DYNC1I1: variants seen among roughly 807,000 people sequenced by gnomAD.
DYNC1I1 encodes dynein cytoplasmic 1 intermediate chain 1.
A neutral mutation model predicts 86.6 loss-of-function variants in DYNC1I1; 43 were observed. The ratio of observed to expected loss-of-function variants is 0.50; its 90% CI spans 0.39 to 0.64. The LOEUF is 0.64. Ranked by LOEUF, DYNC1I1 falls within the 30% of genes least tolerant of loss-of-function variation. The probability of loss-of-function intolerance (pLI) is 0.00; values close to 1 mark genes in which losing one functional copy is unlikely to be tolerated. For missense variants in DYNC1I1, 604 were observed against 788.8 expected, an observed-to-expected ratio of 0.77 and a Z score of 2.81; for synonymous variants, 262 against 283.7, an observed-to-expected ratio of 0.92 and a Z score of 0.77.
In DYNC1I1 at chr7:96,098,421, A is replaced by G; in HGVS notation, c.*828A>G. 1 of 985,430 alleles carries G rather than the reference A, an allele frequency of 1.0e-6. No homozygotes were observed. Among genetic ancestry groups the G allele is most frequent in the African/African-American group, 1.7e-5 (1 of 57,370 alleles). The allele number at this position is 985,430 out of a possible 1,614,324, so 61.0% of individuals were successfully genotyped here. A position where few individuals can be genotyped will look rare whatever the true frequency, so the allele number is the denominator to read the frequency against. Reference sequence around the variant, plus strand: ...CAGTGTTGCCAATAAAATGTTTCAAACCAGGTCTGCACCAGTGTGAGTAAA... The same window carrying G: ...CAGTGTTGCCAATAAAATGTTTCAAGCCAGGTCTGCACCAGTGTGAGTAAA... On this transcript the variant is annotated 3_prime_UTR_variant, in exon 17 of 17. Transcript: ENST00000447467.
chr7:96,053,567 C>A (rs560501626), intron 14 of DYNC1I1, among the ~76,000 whole-genome samples: 1 of 151,890 alleles, frequency 6.6e-6, no homozygotes, highest in Non-Finnish European at 1.5e-5. Flanking sequence ...ACCTGCTCTC[C>A]AAAGTCCTGA....
intron 14 of DYNC1I1, among the ~76,000 whole-genome samples, chr7:96,060,289 C>G (rs1168502593): frequency 6.6e-6 from 1 of 152,168 alleles, no homozygotes; most frequent in Non-Finnish European, 1.5e-5. Flanking sequence ...CCCCAAGTCT[C>G]TCACGACTGT....
chr7:96,101,281 G>C (rs892708802), downstream of DYNC1I1, among the ~76,000 whole-genome samples: 2 of 152,186 alleles, frequency 1.3e-5, no homozygotes, highest in African/African-American at 4.8e-5. Flanking sequence ...CAAAAACATA[G>C]AGCAAGAATG....
chr7:96,103,758 A>G (rs1441157818), intron 16 of DYNC1I1, among the ~76,000 whole-genome samples: 1 of 152,126 alleles, frequency 6.6e-6, no homozygotes, highest in African/African-American at 2.4e-5. Flanking sequence ...GATTACAGGC[A>G]TATACCACCA....
In DYNC1I1 at chr7:96,097,399, G is replaced by A. The variant is rs976943244; in HGVS notation, c.1777-84G>A. ...AACATCTGCTTTGGAGGGTGTGGGG[G>A]CAAAGGGACAGTCATTCAGGCTTCA... On this transcript the variant is annotated intron_variant, in intron 16 of 16. Coordinates refer to ENST00000447467, the MANE Select transcript of DYNC1I1 (RefSeq NM_001135556.2). 5.4e-6 allele frequency: 8 copies of A among 1,470,312 alleles called. No individual in the cohort carries two copies. The African/African-American group carries it at 9.7e-5, about 18-fold the overall frequency. 91.1% of individuals were successfully genotyped at this position (1,470,312 alleles called of 1,614,324 possible).
intron 4 of DYNC1I1, among the ~76,000 whole-genome samples, chr7:95,817,724 A>G (rs1162932765): frequency 6.6e-6 from 1 of 152,186 alleles, no homozygotes; most frequent in African/African-American, 2.4e-5. Context: ...CCATGCCCCT[A>G]CAGACCACAT....
At chr7:96,016,052 C>CCTTA (rs902337808) in intron 10 of DYNC1I1, among the ~76,000 whole-genome samples, 2 of 152,114 alleles carry the variant, frequency 1.3e-5, no homozygotes, top group African/African-American at 4.8e-5. Context: ...CAAATCTTCA[C>CCTTA]TAAGACTGTT....
At chr7:95,860,766 A>G (rs951277864) in intron 5 of DYNC1I1, among the ~76,000 whole-genome samples, 60 of 152,216 alleles carry the variant, frequency 3.9e-4, no homozygotes, top group African/African-American at 1.4e-3. Flanking sequence ...GCACCCTCAC[A>G]TGGCAAAAGG....
intron 6 of DYNC1I1, among the ~76,000 whole-genome samples, chr7:95,908,728 T>C (rs1229186958): frequency 6.6e-6 from 1 of 152,020 alleles, no homozygotes; most frequent in Non-Finnish European, 1.5e-5. Context: ...TCCCCAGCGG[T>C]TGGTTTAGAA....
intron 12 of DYNC1I1, 42 bp downstream of exon 12, chr7:96,032,822 A>C (rs1355326736): frequency 5.3e-6 from 8 of 1,501,880 alleles, no homozygotes; most frequent in Non-Finnish European, 6.5e-6. Flanking sequence ...TCCTGGTTAA[A>C]AGAGATACCT....
intron 6 of DYNC1I1, among the ~76,000 whole-genome samples, chr7:95,974,214 G>GT (rs1370599281): frequency 6.6e-6 from 1 of 151,874 alleles, no homozygotes. Context: ...TATATATTTT[G>GT]TTTTTTTATT....
At chr7:96,006,960 G>A (rs575332312) in intron 10 of DYNC1I1, among the ~76,000 whole-genome samples, 2 of 152,062 alleles carry the variant, frequency 1.3e-5, no homozygotes, top group African/African-American at 4.8e-5. Flanking sequence ...TACACATTGT[G>A]TACATGTATC....
At chr7:96,106,381 A>C (rs1791213974) in intron 16 of DYNC1I1, among the ~76,000 whole-genome samples, 1 of 152,034 alleles carries the variant, frequency 6.6e-6, no homozygotes, top group African/African-American at 2.4e-5. Context: ...TAAAAATGCA[A>C]AAAATTAGCC....
At chr7:95,849,340 T>G (rs1036617278) in intron 5 of DYNC1I1, among the ~76,000 whole-genome samples, 1 of 152,144 alleles carries the variant, frequency 6.6e-6, no homozygotes. Flanking sequence ...TTTCTTATAG[T>G]AGTTTCATAT....
At chr7:95,967,316 C>T (rs752818165) in intron 6 of DYNC1I1, among the ~76,000 whole-genome samples, 28 of 152,114 alleles carry the variant, frequency 1.8e-4, no homozygotes, top group Non-Finnish European at 3.1e-4. Flanking sequence ...GAAGAAATCC[C>T]GCCAACAGGT....
chr7:95,850,007 A>C (rs1281342210), intron 5 of DYNC1I1, among the ~76,000 whole-genome samples: 1 of 152,150 alleles, frequency 6.6e-6, no homozygotes, highest in Admixed American at 6.5e-5. Flanking sequence ...TTTTTTACTC[A>C]GTTCACTGTT....
chr7:95,887,082 TCTC>T (rs1790613206), intron 6 of DYNC1I1, among the ~76,000 whole-genome samples: 1 of 152,274 alleles, frequency 6.6e-6, no homozygotes, highest in South Asian at 2.1e-4. Context: ...GCCAGTCTCA[TCTC>T]CTGCTCTCTA....
At chr7:95,865,479 G>A (rs748224178) in intron 5 of DYNC1I1, among the ~76,000 whole-genome samples, 17 of 151,908 alleles carry the variant, frequency 1.1e-4, no homozygotes, top group Admixed American at 3.3e-4. Context: ...TGTACCTGAC[G>A]CTAAACTAAG....
intron 11 of DYNC1I1, among the ~76,000 whole-genome samples, chr7:96,028,978 C>A (rs958968629): frequency 2.0e-5 from 3 of 152,284 alleles, no homozygotes; most frequent in African/African-American, 7.2e-5. Flanking sequence ...AGGCGTGTCT[C>A]CATCAATCCT....
Sources: allele counts gnomAD v4.1 joint callset (sites outside exome capture counted in the v4.1 genomes callset), GRCh38; gene constraint gnomAD v4.1.1; transcripts MANE v1.5; gene names NCBI Gene and HGNC (gene_info 2026-07-23, HGNC 2026-07-21).